The following BRD10 variants were observed in gnomAD, a reference collection of about 807,000 sequenced individuals.
BRD10 encodes uncharacterized bromodomain-containing protein 10.
chr9:5,968,429 A>T, the BRD10 span: 1 of 1,612,964 alleles, frequency 6.2e-7, no homozygotes, highest in Non-Finnish European at 8.5e-7. Flanking sequence ...AGGCTCTCCA[A>T]AGCCAGTAAC....
chr9:5,887,138 G>A, the BRD10 span, among the ~76,000 whole-genome samples: 2 of 152,028 alleles, frequency 1.3e-5, no homozygotes, highest in African/African-American at 2.4e-5. Context: ...GCATACCTGT[G>A]GTCCCAGCTA....
chr9:5,963,643 T>C, the BRD10 span, among the ~76,000 whole-genome samples: 1 of 152,114 alleles, frequency 6.6e-6, no homozygotes, highest in African/African-American at 2.4e-5. Flanking sequence ...TCACGCTACC[T>C]GACTTCAAAC....
chr9:5,889,145 T>C, the BRD10 span, among the ~76,000 whole-genome samples: 1 of 152,190 alleles, frequency 6.6e-6, no homozygotes, highest in African/African-American at 2.4e-5. Flanking sequence ...CACCGAATAG[T>C]ACAACACCTG....
chr9:6,007,480 T>G, the BRD10 span: 4 of 1,611,810 alleles, frequency 2.5e-6, no homozygotes, highest in Non-Finnish European at 3.4e-6. Context: ...CCCCAAGGGC[T>G]GCAGAAAGGG....
At chr9:5,986,747 G>C in the BRD10 span, among the ~76,000 whole-genome samples, 3 of 151,934 alleles carry the variant, frequency 2.0e-5, no homozygotes, top group Non-Finnish European at 2.9e-5. Flanking sequence ...TTTAACAGAG[G>C]GTTTTCCTCC....
At chr9:5,881,193 T>C in the BRD10 span, among the ~76,000 whole-genome samples, 146,227 of 152,252 alleles carry the variant, frequency 0.96, 70,551 homozygotes, top group Non-Finnish European at 0.99. Context: ...TTTTTGGGTA[T>C]CAGCAGGGAG....
the BRD10 span, among the ~76,000 whole-genome samples, chr9:5,991,549 C>T: frequency 6.6e-6 from 1 of 151,816 alleles, no homozygotes. Flanking sequence ...ATGGTAAAAC[C>T]CTATCTCTAC....
At chr9:6,006,668 T>C in the BRD10 span, among the ~76,000 whole-genome samples, 2 of 152,228 alleles carry the variant, frequency 1.3e-5, no homozygotes, top group Non-Finnish European at 2.9e-5. Context: ...AAAAGATCAG[T>C]AGTATGCAAA....
chr9:5,924,569 A>G, the BRD10 span: 1 of 678,934 alleles, frequency 1.5e-6, no homozygotes, highest in Non-Finnish European at 2.3e-6. Context: ...AATATATTTC[A>G]TTGACCATAT....
the BRD10 span, among the ~76,000 whole-genome samples, chr9:5,991,610 A>C: frequency 1.3e-5 from 2 of 151,822 alleles, no homozygotes; most frequent in South Asian, 4.2e-4. Flanking sequence ...CTGTAGTCCA[A>C]GCTACGCGGG....
the BRD10 span, chr9:5,968,918 T>C: frequency 1.9e-6 from 3 of 1,612,738 alleles, no homozygotes; most frequent in Non-Finnish European, 2.5e-6. Flanking sequence ...TTGTGTTTCA[T>C]ACACAAAGTC....
At chr9:5,918,179 A>G in the BRD10 span, among the ~76,000 whole-genome samples, 16 of 152,326 alleles carry the variant, frequency 1.1e-4, no homozygotes, top group East Asian at 3.1e-3. Flanking sequence ...GCGGTTTCTG[A>G]GAGCCTTTAG....
the BRD10 span, chr9:5,920,931 A>C: frequency 6.2e-7 from 1 of 1,613,990 alleles, no homozygotes. Flanking sequence ...ATAATTCTTG[A>C]AGAGGTATCA....
chr9:5,918,133 T>C, the BRD10 span, among the ~76,000 whole-genome samples: 1 of 152,174 alleles, frequency 6.6e-6, no homozygotes, highest in Non-Finnish European at 1.5e-5. Flanking sequence ...GAGTAGAGCA[T>C]AAACATGACT....
At chr9:5,937,082 A>T in the BRD10 span, among the ~76,000 whole-genome samples, 1 of 151,516 alleles carries the variant, frequency 6.6e-6, no homozygotes, top group African/African-American at 2.4e-5. Context: ...ATACAAAAAT[A>T]TGCTGGGTGT....
chr9:5,896,345 C>T, the BRD10 span, among the ~76,000 whole-genome samples: 2 of 152,218 alleles, frequency 1.3e-5, no homozygotes, highest in Non-Finnish European at 2.9e-5. Flanking sequence ...GATGAATCTT[C>T]ATAGGTCTCA....
At chr9:6,003,709 A>C in the BRD10 span, among the ~76,000 whole-genome samples, 1 of 152,168 alleles carries the variant, frequency 6.6e-6, no homozygotes, top group African/African-American at 2.4e-5. Context: ...CAGCTTTTGG[A>C]AACTGAAAGA....
At chr9:5,888,099 AC>A in the BRD10 span, among the ~76,000 whole-genome samples, 1 of 152,174 alleles carries the variant, frequency 6.6e-6, no homozygotes, top group Admixed American at 6.5e-5. Context: ...GGGAAAGGGG[AC>A]CTTAGAGGTC....
chr9:5,968,269 A>G, the BRD10 span: 1 of 1,612,196 alleles, frequency 6.2e-7, no homozygotes, highest in Non-Finnish European at 8.5e-7. Context: ...TGTGGCAGTT[A>G]ATTTCTGGAT....
Sources: gnomAD v4.1 joint callset for allele counts (sites outside exome capture counted in the v4.1 genomes callset) on GRCh38, gnomAD v4.1.1 for gene constraint, MANE v1.5 for transcripts, NCBI Gene and HGNC (gene_info 2026-07-23, HGNC 2026-07-21) for gene names.